Variants in DOCK3 observed in about 807,000 individuals in gnomAD.
DOCK3 encodes the protein dedicator of cytokinesis 3.
In DOCK3, 60 loss-of-function variants were observed where a neutral mutation model predicts 265.6. The ratio of observed to expected loss-of-function variants is 0.23; its 90% confidence interval spans 0.18 to 0.28. DOCK3 has a LOEUF of 0.28. DOCK3 is among the 10% of genes least tolerant of loss of function. DOCK3 has a pLI of 1.00. For missense variants in DOCK3, 1,981 were observed against 2,594.3 expected, an observed-to-expected ratio of 0.76 and a Z score of 5.14; for synonymous variants, 881 against 938.0, an observed-to-expected ratio of 0.94 and a Z score of 1.11.
chr3:50,976,342 G>A (rs1244988037), intron 5 of DOCK3, among the ~76,000 whole-genome samples: 2 of 134,952 alleles, frequency 1.5e-5, no homozygotes, highest in Non-Finnish European at 3.2e-5. Flanking sequence ...GGTATGTTGT[G>A]TCTTTGTTCT....
chr3:50,713,652 A>ATG (rs1315202609), intron 1 of DOCK3, among the ~76,000 whole-genome samples: 33 of 151,538 alleles, frequency 2.2e-4, no homozygotes, highest in African/African-American at 8.0e-4. Flanking sequence ...ATATATATAT[A>ATG]TATTTTTTGT....
intron 2 of DOCK3, among the ~76,000 whole-genome samples, chr3:50,832,364 G>T (rs2045233684): frequency 6.6e-6 from 1 of 152,148 alleles, no homozygotes; most frequent in African/African-American, 2.4e-5. Flanking sequence ...TGACAAATGG[G>T]ATCTAATTAA....
At chr3:51,225,131 G>T (rs2090272843) in intron 14 of DOCK3, among the ~76,000 whole-genome samples, 1 of 152,110 alleles carries the variant, frequency 6.6e-6, no homozygotes, top group South Asian at 2.1e-4. Context: ...AATGGGATTT[G>T]GAACAAAGCC....
chr3:50,835,557 G>T (rs1003513783), intron 2 of DOCK3, among the ~76,000 whole-genome samples: 6 of 152,160 alleles, frequency 3.9e-5, no homozygotes, highest in Admixed American at 1.3e-4. Flanking sequence ...CTGTATTAAA[G>T]CCTCATATCC....
chr3:50,806,072 G>A (rs2043394779), intron 2 of DOCK3, among the ~76,000 whole-genome samples: 1 of 152,120 alleles, frequency 6.6e-6, no homozygotes. Context: ...GACCTGAGAT[G>A]CAGACACAGG....
chr3:51,236,352 A>G lies in DOCK3; in HGVS notation c.1925A>G (p.Gln642Arg), dbSNP rs926555894. The G allele has an allele frequency of 1.9e-6, 3 of 1,613,520 alleles. No individual in the cohort carries two copies. The Admixed American group carries it at 5.0e-5, about 27-fold the overall frequency. Residue 642 changes from glutamine (Q) to arginine (R), a missense_variant, in exon 20 of 53, where the codon CAG becomes CGG. By Grantham distance (43) the Gln-to-Arg change is conservative. Transcript: ENST00000266037. ...CTTTTTATGTTGTTTTAGTTTCTGC[A>G]GGACATCTTAGATACACTCTTTGTG... Reference protein sequence around the residue: ...VSGEEIVKFLQDILDTLFVIL... With the variant: ...VSGEEIVKFLRDILDTLFVIL...
At chr3:51,318,548 T>C (rs1020801503) in intron 32 of DOCK3, among the ~76,000 whole-genome samples, 4 of 152,188 alleles carry the variant, frequency 2.6e-5, no homozygotes, top group Non-Finnish European at 5.9e-5. Flanking sequence ...TTTTTGGTGC[T>C]CTTCTAAATA....
rs144492493 is a variant in DOCK3, at chr3:50,718,961, T to G, written c.37+43661T>G. ...ACCATGCCCGGCTAATTTTTTGTAT[T>G]TTTTAGTAGTGACGGGGTTTCACTG... On this transcript the variant is annotated intron_variant, in intron 1 of 52. Transcript: ENST00000266037. 6.9e-3 allele frequency among the ~76,000 whole-genome samples: 1,053 copies of G among 151,910 alleles called. 12 individuals are homozygous for G. The highest frequency in any genetic ancestry group is 0.024 in the African/African-American group (1,011 of 41,432).
intron 3 of DOCK3, among the ~76,000 whole-genome samples, chr3:50,883,672 T>C (rs2048173902): frequency 6.6e-6 from 1 of 152,180 alleles, no homozygotes; most frequent in African/African-American, 2.4e-5. Context: ...GCCACTTCCT[T>C]CTGTCTTCTA....
At chr3:51,267,760 G>C (rs1356899626) in intron 23 of DOCK3, among the ~76,000 whole-genome samples, 1 of 152,148 alleles carries the variant, frequency 6.6e-6, no homozygotes, top group African/African-American at 2.4e-5. Flanking sequence ...ATCAGTCATA[G>C]ACTAGATAAA....
intron 9 of DOCK3, among the ~76,000 whole-genome samples, chr3:51,146,044 G>A (rs546186037): frequency 2.0e-5 from 3 of 152,312 alleles, no homozygotes; most frequent in East Asian, 1.9e-4. Flanking sequence ...CCTGCTGTGC[G>A]GCCCAGTTCC....
At chr3:50,800,778 G>GT (rs1160069684) in intron 2 of DOCK3, among the ~76,000 whole-genome samples, 5 of 151,726 alleles carry the variant, frequency 3.3e-5, no homozygotes, top group African/African-American at 9.7e-5. Flanking sequence ...AATCTTTCTA[G>GT]TTTTTTTAAT....
rs35504866 is a variant in DOCK3, at chr3:51,277,182, G to A, written c.2677-426G>A. On this transcript the variant is annotated intron_variant, in intron 25 of 52. Coordinates refer to ENST00000266037, the MANE Select transcript of DOCK3 (RefSeq NM_004947.5). ...GCATTAGTGCTATGCACTAGTGAAG[G>A]TGCAGCTGCCACACCCTGTAGTGTG... 5.8e-3 allele frequency among the ~76,000 whole-genome samples: 882 copies of A among 152,302 alleles called. 1 individual carries two copies. Among genetic ancestry groups the A allele is most frequent in the Middle Eastern group, 0.01 (3 of 294 alleles).
chr3:51,131,699 G>T (rs1251597411), intron 9 of DOCK3, among the ~76,000 whole-genome samples: 1 of 152,136 alleles, frequency 6.6e-6, no homozygotes, highest in African/African-American at 2.4e-5. Context: ...CTCTACATGA[G>T]TCAGACTATT....
chr3:50,911,475 G>A (rs1171166408), intron 4 of DOCK3, among the ~76,000 whole-genome samples: 1 of 151,926 alleles, frequency 6.6e-6, no homozygotes, highest in Non-Finnish European at 1.5e-5. Context: ...TCATATGTGT[G>A]GATTTATTTT....
chr3:51,362,133 AGC>A, intron 48 of DOCK3, 136 bp downstream of exon 48: 1 of 1,156,420 alleles, frequency 8.6e-7, no homozygotes, highest in Non-Finnish European at 1.2e-6. Context: ...CCCTCACCAG[AGC>A]TAGAAAGCTG....
At chr3:51,273,321 A>G (rs1171627480) in intron 24 of DOCK3, among the ~76,000 whole-genome samples, 2 of 152,184 alleles carry the variant, frequency 1.3e-5, no homozygotes, top group African/African-American at 4.8e-5. Context: ...GTGGCCCTGG[A>G]CTATGTAATT....
At chr3:51,238,656 G>C (rs1333806638) in intron 21 of DOCK3, among the ~76,000 whole-genome samples, 1 of 152,012 alleles carries the variant, frequency 6.6e-6, no homozygotes, top group Non-Finnish European at 1.5e-5. Context: ...TCCCCTCTAT[G>C]TGTCCATGCA....
chr3:50,988,218 C>G (rs185863993), intron 5 of DOCK3, among the ~76,000 whole-genome samples: 1 of 152,022 alleles, frequency 6.6e-6, no homozygotes, highest in African/African-American at 2.4e-5. Flanking sequence ...CTGAGCTCCC[C>G]GGGGACAGAA....
Sources: gnomAD v4.1 joint callset for allele counts (sites outside exome capture counted in the v4.1 genomes callset) on GRCh38, gnomAD v4.1.1 for gene constraint, MANE v1.5 for transcripts, NCBI Gene and HGNC (gene_info 2026-07-23, HGNC 2026-07-21) for gene names.